The following NDST4 variants were observed in gnomAD, a reference collection of about 807,000 sequenced individuals.
NDST4 encodes the protein N-heparan sulfate sulfotransferase 4.
A neutral mutation model predicts 100.8 loss-of-function variants in NDST4; 63 were observed. The observed-to-expected ratio is 0.62, with a 90% confidence interval of 0.51 to 0.77. The LOEUF (loss-of-function observed/expected upper bound fraction) is 0.77, where lower values mean the gene tolerates loss of function less well. Ranked by LOEUF, NDST4 falls within the 30% of genes least tolerant of loss-of-function variation. The pLI is 0.00. For missense variants in NDST4, 943 were observed against 1,018.4 expected, an observed-to-expected ratio of 0.93 and a Z score of 1.01; for synonymous variants, 377 against 361.8, an observed-to-expected ratio of 1.04 and a Z score of -0.48.
intron 7 of NDST4, among the ~76,000 whole-genome samples, chr4:114,864,309 T>A (rs1400490863): frequency 6.6e-6 from 1 of 152,248 alleles, no homozygotes; most frequent in African/African-American, 2.4e-5. Context: ...TTGCTTTTCA[T>A]TTCCCTTTTG....
chr4:115,052,353 A>G (rs1359696691), intron 2 of NDST4, among the ~76,000 whole-genome samples: 1 of 152,182 alleles, frequency 6.6e-6, no homozygotes, highest in Non-Finnish European at 1.5e-5. Flanking sequence ...AAAGAGGTAG[A>G]TACAAATTTT....
At chr4:114,856,553 C>A (rs1723797833) in intron 7 of NDST4, among the ~76,000 whole-genome samples, 1 of 152,134 alleles carries the variant, frequency 6.6e-6, no homozygotes, top group African/African-American at 2.4e-5. Flanking sequence ...GCTGCAAAAT[C>A]ATAGACTTCT....
intron 4 of NDST4, among the ~76,000 whole-genome samples, chr4:114,952,195 AG>A (rs2126232472): frequency 6.6e-6 from 1 of 152,306 alleles, no homozygotes; most frequent in South Asian, 2.1e-4. Flanking sequence ...CAGAAAAGAC[AG>A]ATGTAAATCT....
intron 7 of NDST4, among the ~76,000 whole-genome samples, chr4:114,868,037 A>G (rs1225918627): frequency 1.3e-5 from 2 of 152,192 alleles, no homozygotes; most frequent in African/African-American, 4.8e-5. Context: ...ATGAGGAACC[A>G]AAGGAAATTA....
chr4:114,906,536 G>T (rs1003864704), intron 6 of NDST4, among the ~76,000 whole-genome samples: 1 of 151,668 alleles, frequency 6.6e-6, no homozygotes, highest in African/African-American at 2.4e-5. Context: ...AGTTAATTTC[G>T]CAGGCCTACC....
intron 1 of NDST4, among the ~76,000 whole-genome samples, chr4:115,105,184 T>G (rs764744543): frequency 5.3e-5 from 8 of 152,216 alleles, no homozygotes; most frequent in South Asian, 2.1e-4. Flanking sequence ...ACATGAAGGC[T>G]TCTACAAAAA....
rs1348502830 is a variant in NDST4 at position 114,873,672 on chromosome 4, T to C, written c.1537-2722A>G. ...GATGACCATATAATTGCAATTATTG[T>C]CATAAGAACTTCTTTATAATCACCA... On this transcript the variant is annotated intron_variant, in intron 6 of 13. Coordinates refer to ENST00000264363, the MANE Select transcript of NDST4 (RefSeq NM_022569.3). Among the ~76,000 whole-genome samples, 5 of 152,056 alleles carry C rather than the reference T, an allele frequency of 3.3e-5. No individual in the cohort carries two copies. In the East Asian group the frequency reaches 9.6e-4, roughly 29 times the overall value.
intron 4 of NDST4, among the ~76,000 whole-genome samples, chr4:114,956,870 A>G (rs1003135224): frequency 3.3e-5 from 5 of 152,212 alleles, no homozygotes; most frequent in African/African-American, 7.2e-5. Context: ...AAAATTATCT[A>G]AAATGTCCAT....
intron 2 of NDST4, among the ~76,000 whole-genome samples, chr4:115,013,370 T>TATATATATATATATATATGTAC (rs74678897): frequency 1.4e-5 from 1 of 71,450 alleles, no homozygotes; most frequent in Non-Finnish European, 3.2e-5. Context: ...TATATATATA[T>TATATATATATATATATATGTAC]ACACACACAT....
chr4:115,043,315 T>C (rs1259961933), intron 2 of NDST4, among the ~76,000 whole-genome samples: 1 of 152,076 alleles, frequency 6.6e-6, no homozygotes, highest in Non-Finnish European at 1.5e-5. Flanking sequence ...TATCCAAGTT[T>C]GGAGGATGAT....
At chr4:114,873,010 G>A (rs1448700192) in intron 6 of NDST4, among the ~76,000 whole-genome samples, 1 of 151,620 alleles carries the variant, frequency 6.6e-6, no homozygotes, top group African/African-American at 2.4e-5. Context: ...GTATTATCCT[G>A]GCAGCTGAAA....
chr4:114,959,357 GC>G (rs1726209832), intron 4 of NDST4, among the ~76,000 whole-genome samples: 1 of 151,238 alleles, frequency 6.6e-6, no homozygotes, highest in South Asian at 2.1e-4. Flanking sequence ...TTTTCATACT[GC>G]TATGAAAAAA....
chr4:115,082,968 G>C (rs964199750), intron 1 of NDST4, among the ~76,000 whole-genome samples: 1 of 152,194 alleles, frequency 6.6e-6, no homozygotes, highest in East Asian at 1.9e-4. Flanking sequence ...TGAAAGAGCT[G>C]TGTTGTAAAT....
At chr4:114,945,718 C>T (rs1725847810) in intron 4 of NDST4, among the ~76,000 whole-genome samples, 1 of 152,126 alleles carries the variant, frequency 6.6e-6, no homozygotes, top group South Asian at 2.1e-4. Context: ...GAGAATAGAT[C>T]TCATTATCTA....
chr4:114,977,729 T>G (rs1726670107), intron 2 of NDST4, among the ~76,000 whole-genome samples: 1 of 152,016 alleles, frequency 6.6e-6, no homozygotes, highest in African/African-American at 2.4e-5. Context: ...CTCATCATTT[T>G]TAAAGGCATA....
intron 6 of NDST4, among the ~76,000 whole-genome samples, chr4:114,892,757 A>G (rs1277849423): frequency 6.6e-6 from 1 of 151,026 alleles, no homozygotes; most frequent in Non-Finnish European, 1.5e-5. Context: ...GGGAGTTGGG[A>G]GGGCAGTCAT....
intron 1 of NDST4, among the ~76,000 whole-genome samples, chr4:115,103,419 T>C (rs975615588): frequency 3.3e-5 from 5 of 152,162 alleles, no homozygotes; most frequent in African/African-American, 9.7e-5. Context: ...CTGCTCTATA[T>C]TGGCACCTTA....
intron 1 of NDST4, among the ~76,000 whole-genome samples, chr4:115,084,671 G>A (rs1400135468): frequency 1.3e-5 from 2 of 152,210 alleles, no homozygotes; most frequent in Admixed American, 1.3e-4. Context: ...TTCAGAGGGT[G>A]CAAGCCCCAA....
intron 2 of NDST4, among the ~76,000 whole-genome samples, chr4:115,059,186 C>T (rs1728765036): frequency 6.6e-6 from 1 of 151,798 alleles, no homozygotes; most frequent in Admixed American, 6.6e-5. Flanking sequence ...CTGATTGTAC[C>T]AACAAGATGG....
Sources: gnomAD v4.1 joint callset for allele counts (sites outside exome capture counted in the v4.1 genomes callset) on GRCh38, gnomAD v4.1.1 for gene constraint, MANE v1.5 for transcripts, NCBI Gene and HGNC (gene_info 2026-07-23, HGNC 2026-07-21) for gene names.